KAT6B: variants seen among roughly 807,000 people sequenced by gnomAD.
KAT6B encodes histone acetyltransferase KAT6B.
A neutral mutation model predicts 187.5 loss-of-function variants in KAT6B; 10 were observed. That is an observed-to-expected ratio of 0.05 (90% CI 0.03 to 0.09). KAT6B has a LOEUF of 0.09. KAT6B is among the 10% of genes least tolerant of loss of function. KAT6B has a pLI of 1.00. For synonymous variants in KAT6B, 861 were observed against 926.8 expected (o/e 0.93, Z 1.29); for missense variants, 1,952 against 2,558.9 (o/e 0.76, Z 5.12).
At chr10:74,951,321 G>A (rs1213233478) in intron 3 of KAT6B, among the ~76,000 whole-genome samples, 3 of 151,680 alleles carry the variant, frequency 2.0e-5, no homozygotes, top group Admixed American at 6.6e-5. Flanking sequence ...AAGTAGAGAC[G>A]GGGTTTCACC....
In KAT6B at chr10:75,028,537, A is replaced by G; in HGVS notation, c.3713A>G (p.Asn1238Ser). ...SSNLKEGSKD[N>S]PEPLKCKQVW... ...AACTTGAAAGAAGGCAGTAAAGACAATCCCGAACCTCTAAAGTGCAAACAA... is the reference window on the plus strand; with the variant it reads ...AACTTGAAAGAAGGCAGTAAAGACAGTCCCGAACCTCTAAAGTGCAAACAA... The change falls in exon 18 of 18, where the codon AAT (asparagine) becomes AGT (serine). Residue 1238 changes from asparagine to serine, a missense_variant. Asn to Ser is a conservative substitution (Grantham distance 46). Transcript: ENST00000287239. The G allele has an allele frequency of 6.2e-7, 1 of 1,614,242 alleles. No homozygotes were observed. The highest frequency in any genetic ancestry group is 1.1e-5 in the South Asian group (1 of 91,088).
At chr10:74,957,605 T>C (rs960524404) in intron 3 of KAT6B, among the ~76,000 whole-genome samples, 5 of 152,250 alleles carry the variant, frequency 3.3e-5, no homozygotes, top group African/African-American at 1.2e-4. Context: ...TTTGTTTCAT[T>C]GCATGAATGA....
At chr10:74,828,248 G>A (rs77115897) in intron 1 of KAT6B, among the ~76,000 whole-genome samples, 3,523 of 152,226 alleles carry the variant, frequency 0.023, 138 homozygotes, top group African/African-American at 0.08. Flanking sequence ...GACAGAAGTT[G>A]TGAAGGGGTA....
chr10:74,868,549 C>G (rs1843702055), intron 3 of KAT6B, among the ~76,000 whole-genome samples: 1 of 152,146 alleles, frequency 6.6e-6, no homozygotes, highest in African/African-American at 2.4e-5. Flanking sequence ...GAGAAAGTGA[C>G]TTTAGCCACT....
intron 16 of KAT6B, among the ~76,000 whole-genome samples, chr10:75,022,599 T>C (rs1184801645): frequency 6.6e-6 from 1 of 152,074 alleles, no homozygotes; most frequent in Non-Finnish European, 1.5e-5. Flanking sequence ...GTCATATGAC[T>C]CATTAGAGAT....
At chr10:74,975,332 T>G in intron 7 of KAT6B, 67 bp from the exon 8 acceptor site, 1 of 1,345,370 alleles carries the variant, frequency 7.4e-7, no homozygotes, top group Non-Finnish European at 1.1e-6. Flanking sequence ...TGCAATAAAT[T>G]TGTTTTTAGA....
intron 1 of KAT6B, among the ~76,000 whole-genome samples, chr10:74,832,718 T>G (rs1010715220): frequency 6.6e-6 from 1 of 151,812 alleles, no homozygotes; most frequent in Admixed American, 6.6e-5. Context: ...CGGGCTGGTC[T>G]CAAACTCCTG....
intron 3 of KAT6B, among the ~76,000 whole-genome samples, chr10:74,868,446 T>G (rs1416161472): frequency 6.6e-6 from 1 of 152,218 alleles, no homozygotes; most frequent in Non-Finnish European, 1.5e-5. Context: ...TTTAGTAAAT[T>G]GCTGAAATTG....
chr10:74,914,818 C>T (rs982463679), intron 3 of KAT6B, among the ~76,000 whole-genome samples: 3 of 151,920 alleles, frequency 2.0e-5, no homozygotes, highest in African/African-American at 7.3e-5. Context: ...TGGCTGGGTG[C>T]GGTGGCTTCA....
chr10:74,947,481 G>C (rs1268873129), intron 3 of KAT6B, among the ~76,000 whole-genome samples: 1 of 152,186 alleles, frequency 6.6e-6, no homozygotes, highest in East Asian at 1.9e-4. Context: ...CCAAGTATGA[G>C]AAATGTTACA....
At chr10:74,845,879 G>A (rs1842065886) in intron 3 of KAT6B, among the ~76,000 whole-genome samples, 1 of 148,440 alleles carries the variant, frequency 6.7e-6, no homozygotes, top group South Asian at 2.1e-4. Context: ...AGGACCAGGT[G>A]GTTTGCCTTT....
chr10:75,012,659 A>G (rs886202051), intron 13 of KAT6B, among the ~76,000 whole-genome samples: 9 of 152,160 alleles, frequency 5.9e-5, no homozygotes, highest in Non-Finnish European at 1.2e-4. Flanking sequence ...GTGCTGCCTG[A>G]TGCCCTACTT....
At chr10:74,890,379 T>A (rs1845564119) in intron 3 of KAT6B, among the ~76,000 whole-genome samples, 1 of 152,106 alleles carries the variant, frequency 6.6e-6, no homozygotes, top group Admixed American at 6.6e-5. Context: ...TGGCTCACAC[T>A]TGTAATCCCA....
Position 75,025,662 on chromosome 10 carries a change from A to C in KAT6B, c.3664+413A>C, listed in dbSNP as rs537856728. On this transcript the variant is annotated intron_variant, in intron 17 of 17. Transcript: ENST00000287239. ...TGGAATCGTTTCTTTTTTCCTGGAA[A>C]ACAAATATTAGTAAATCAATAGTAC... 4.9e-5 allele frequency: 11 copies of C among 223,636 alleles called. No homozygotes were observed. The South Asian group carries it at 6.3e-4, about 13-fold the overall frequency. The allele number at this position is 223,636 out of a possible 1,614,324, so 13.9% of individuals were successfully genotyped here.
intron 7 of KAT6B, among the ~76,000 whole-genome samples, chr10:74,973,070 A>G (rs909175618): frequency 6.6e-6 from 1 of 152,246 alleles, no homozygotes; most frequent in African/African-American, 2.4e-5. Context: ...CTCTCTTCTG[A>G]TAGTAATGTA....
At chr10:74,878,192 G>A (rs916768523) in intron 3 of KAT6B, among the ~76,000 whole-genome samples, 13 of 152,164 alleles carry the variant, frequency 8.5e-5, no homozygotes, top group African/African-American at 3.1e-4. Context: ...GATACTATTT[G>A]TTCCCTTAAG....
chr10:74,998,009 G>A (rs149440021), intron 13 of KAT6B, among the ~76,000 whole-genome samples: 7,061 of 152,238 alleles, frequency 0.046, 530 homozygotes, highest in African/African-American at 0.15. Flanking sequence ...CTACTCGGGA[G>A]GCTAAGGCAG....
chr10:74,924,687 T>G (rs1042843687), intron 3 of KAT6B, among the ~76,000 whole-genome samples: 1 of 152,212 alleles, frequency 6.6e-6, no homozygotes, highest in African/African-American at 2.4e-5. Flanking sequence ...AACCATGAAA[T>G]TGACTAACTT....
intron 3 of KAT6B, among the ~76,000 whole-genome samples, chr10:74,919,066 T>TA (rs1000857549): frequency 7.3e-5 from 11 of 151,490 alleles, no homozygotes; most frequent in Admixed American, 2.0e-4. Context: ...AAAAATATAT[T>TA]AAAAAAATGG....
Sources: gnomAD v4.1 joint callset for allele counts (sites outside exome capture counted in the v4.1 genomes callset) on GRCh38, gnomAD v4.1.1 for gene constraint, MANE v1.5 for transcripts, NCBI Gene and HGNC (gene_info 2026-07-23, HGNC 2026-07-21) for gene names.